Variants in STK4 observed in about 807,000 individuals in gnomAD.
The protein encoded by STK4 is serine/threonine kinase 4, also known as serine/threonine-protein kinase 4.
Under a neutral mutation model 64.9 loss-of-function variants are expected in STK4, and 30 were observed. The ratio of observed to expected loss-of-function variants is 0.46; its 90% CI spans 0.35 to 0.63. The LOEUF (loss-of-function observed/expected upper bound fraction) is 0.63, where lower values mean the gene tolerates loss of function less well. STK4 is among the 20% of genes least tolerant of loss of function. STK4 has a pLI of 0.01. For missense variants in STK4, 466 were observed against 598.5 expected, an observed-to-expected ratio of 0.78 and a Z score of 2.31; for synonymous variants, 177 against 199.0, an observed-to-expected ratio of 0.89 and a Z score of 0.93.
chr20:44,998,302 A>G (rs2067771567), intron 7 of STK4, among the ~76,000 whole-genome samples: 1 of 152,184 alleles, frequency 6.6e-6, no homozygotes, highest in South Asian at 2.1e-4. Flanking sequence ...ATCTTGGGCA[A>G]GTAACTTAAT....
chr20:44,999,133 A>G (rs1186805786), intron 7 of STK4, among the ~76,000 whole-genome samples: 1 of 152,170 alleles, frequency 6.6e-6, no homozygotes, highest in Non-Finnish European at 1.5e-5. Context: ...ATACAGTAAA[A>G]AGAATGAGTG....
At chr20:44,971,359 C>T (rs896098801) in intron 1 of STK4, among the ~76,000 whole-genome samples, 2 of 152,098 alleles carry the variant, frequency 1.3e-5, no homozygotes, top group Non-Finnish European at 2.9e-5. Context: ...CTCACAGCTG[C>T]CTAGTGATTT....
chr20:45,043,482 T>G (rs552016811), intron 10 of STK4, among the ~76,000 whole-genome samples: 1 of 152,270 alleles, frequency 6.6e-6, no homozygotes, highest in East Asian at 1.9e-4. Flanking sequence ...TTACCTCTCC[T>G]CTCTGAGCTT....
chr20:45,002,401 G>C (rs1460802649), intron 9 of STK4, among the ~76,000 whole-genome samples: 2 of 152,078 alleles, frequency 1.3e-5, no homozygotes, highest in Non-Finnish European at 2.9e-5. Flanking sequence ...GATAGTTTTA[G>C]CATGTCTAAT....
chr20:45,037,471 A>T (rs756745840), intron 10 of STK4, among the ~76,000 whole-genome samples: 1 of 152,194 alleles, frequency 6.6e-6, no homozygotes, highest in East Asian at 1.9e-4. Context: ...GCTAATATCC[A>T]TCTGACGTTG....
intron 1 of STK4, among the ~76,000 whole-genome samples, chr20:44,968,226 C>T (rs1601164037): frequency 6.6e-6 from 1 of 152,116 alleles, no homozygotes; most frequent in South Asian, 2.1e-4. Flanking sequence ...CTACTTCCGC[C>T]TTCTGGGTTC....
intron 9 of STK4, 40 bp downstream of exon 9, chr20:45,001,393 C>G: frequency 6.4e-7 from 1 of 1,569,236 alleles, no homozygotes; most frequent in Non-Finnish European, 8.7e-7. Flanking sequence ...TTAGACCAAG[C>G]ATACATATTT....
At chr20:44,992,957 A>G (rs2067662290) in intron 5 of STK4, among the ~76,000 whole-genome samples, 1 of 152,024 alleles carries the variant, frequency 6.6e-6, no homozygotes, top group African/African-American at 2.4e-5. Context: ...CTGCCTCCCA[A>G]AGTGCTGGGA....
In STK4 at chr20:45,078,183, A is replaced by G. The variant is rs948993683; in HGVS notation, c.*3007A>G. 2.8e-5 allele frequency: 4 copies of G among 143,934 alleles called. No individual in the cohort carries two copies. Among genetic ancestry groups the G allele is most frequent in the African/African-American group, 7.7e-5 (3 of 38,854 alleles). 8.9% of individuals were successfully genotyped at this position (143,934 alleles called of 1,614,324 possible). On this transcript the variant is annotated 3_prime_UTR_variant, in exon 11 of 11. Transcript: ENST00000372806. ...CCTGATTCTGTCTTTAAAAAAAAAA[A>G]TCTCAGAATTCTTTTTTTGTTTGTG...
At chr20:44,993,479 C>G (rs920476656) in intron 5 of STK4, among the ~76,000 whole-genome samples, 23 of 152,000 alleles carry the variant, frequency 1.5e-4, no homozygotes, top group African/African-American at 5.6e-4. Context: ...TTGAAAACAC[C>G]CTTGCAAATT....
intron 9 of STK4, among the ~76,000 whole-genome samples, chr20:45,022,686 A>T (rs2068269680): frequency 1.3e-5 from 2 of 152,368 alleles, no homozygotes; most frequent in South Asian, 4.1e-4. Context: ...AACTGAAAGT[A>T]ATTAATGAAG....
chr20:45,025,200 C>T (rs1410016685), intron 10 of STK4, 70 bp downstream of exon 10: 17 of 1,515,562 alleles, frequency 1.1e-5, no homozygotes, highest in Non-Finnish European at 1.5e-5. Context: ...CATTAGTGCC[C>T]AAGCATTTTC....
At chr20:45,051,954 G>T (rs114410700) in intron 10 of STK4, among the ~76,000 whole-genome samples, 119 of 152,242 alleles carry the variant, frequency 7.8e-4, no homozygotes, top group African/African-American at 2.8e-3. Context: ...TAGGGCTGTC[G>T]TGAGTATCAA....
chr20:45,022,068 T>C (rs2068257668), intron 9 of STK4, among the ~76,000 whole-genome samples: 1 of 151,828 alleles, frequency 6.6e-6, no homozygotes, highest in African/African-American at 2.4e-5. Context: ...TTTTTTTTTA[T>C]TGTGGTAAAA....
intron 10 of STK4, among the ~76,000 whole-genome samples, chr20:45,026,780 G>A (rs1040191085): frequency 4.6e-5 from 7 of 152,070 alleles, no homozygotes; most frequent in Non-Finnish European, 7.4e-5. Flanking sequence ...CTATTCAAAG[G>A]TGGCAAATTA....
At chr20:45,017,707 A>G (rs1354731375) in intron 9 of STK4, among the ~76,000 whole-genome samples, 1 of 152,210 alleles carries the variant, frequency 6.6e-6, no homozygotes, top group Non-Finnish European at 1.5e-5. Flanking sequence ...GCAAGAACCA[A>G]GATGTGGACC....
At chr20:45,037,967 A>G (rs2068553537) in intron 10 of STK4, among the ~76,000 whole-genome samples, 1 of 152,162 alleles carries the variant, frequency 6.6e-6, no homozygotes, top group Admixed American at 6.6e-5. Context: ...ACTGTCAAGA[A>G]TGCATCTTGA....
intron 10 of STK4, among the ~76,000 whole-genome samples, chr20:45,053,850 A>G (rs1978308658): frequency 6.6e-6 from 1 of 152,194 alleles, no homozygotes; most frequent in Admixed American, 6.5e-5. Flanking sequence ...ACAAGTTGGA[A>G]GTAGTTCAAA....
intron 9 of STK4, among the ~76,000 whole-genome samples, chr20:45,019,924 C>T (rs569027404): frequency 1.3e-5 from 2 of 152,140 alleles, no homozygotes; most frequent in Non-Finnish European, 2.9e-5. Context: ...ATCTAGCTAA[C>T]GGGTGCTGAA....
Sources: gnomAD v4.1 joint callset for allele counts (sites outside exome capture counted in the v4.1 genomes callset) on GRCh38, gnomAD v4.1.1 for gene constraint, MANE v1.5 for transcripts, NCBI Gene and HGNC (gene_info 2026-07-23, HGNC 2026-07-21) for gene names.